SHISA6: variants seen among roughly 807,000 people sequenced by gnomAD.
SHISA6 encodes shisa family member 6.
A neutral mutation model predicts 47.9 loss-of-function variants in SHISA6; 22 were observed. That is an observed-to-expected ratio of 0.46 (90% CI 0.33 to 0.66). SHISA6 has a LOEUF of 0.66. Among genes scored for constraint, SHISA6 ranks in the 30% least tolerant of loss-of-function variants. The pLI is 0.02. For synonymous variants in SHISA6, 388 were observed against 337.8 expected, an observed-to-expected ratio of 1.15 and a Z score of -1.63; for missense variants, 680 against 764.6, an observed-to-expected ratio of 0.89 and a Z score of 1.30.
At chr17:11,491,775 T>TC (rs1916490712) in intron 3 of SHISA6, among the ~76,000 whole-genome samples, 1 of 142,752 alleles carries the variant, frequency 7.0e-6, no homozygotes, top group Admixed American at 6.9e-5. Flanking sequence ...GAAGTGTTTT[T>TC]TTTTTTTTTT....
At chr17:11,478,319 A>C in intron 3 of SHISA6, among the ~76,000 whole-genome samples, 1 of 99,936 alleles carries the variant, frequency 1.0e-5, no homozygotes, top group East Asian at 3.2e-4. Context: ...TCTGGATATT[A>C]GCCCTTTGTC....
At chr17:11,487,277 T>C (rs9902361) in intron 3 of SHISA6, among the ~76,000 whole-genome samples, 101 of 152,292 alleles carry the variant, frequency 6.6e-4, no homozygotes, top group African/African-American at 2.3e-3. Flanking sequence ...GTTGCAAGAT[T>C]CTCTCCTCCT....
intron 3 of SHISA6, among the ~76,000 whole-genome samples, chr17:11,503,332 G>A (rs114244505): frequency 9.4e-4 from 142 of 150,544 alleles, no homozygotes; most frequent in African/African-American, 3.3e-3. Flanking sequence ...TAACTTAAAC[G>A]AAGCAAAAAC....
At position 11,245,311 on chromosome 17, in the gene SHISA6, G is replaced by A. The variant is rs1375671810; in HGVS notation, c.638+3251G>A. ...CCAACCGGAAGCCCAATTCCTACCA[G>A]GATCTCCACTTCACTTTTCCCTTCT... is the stretch of plus-strand genomic sequence containing the variant. On this transcript the variant is annotated intron_variant, in intron 1 of 5. Transcript: ENST00000441885. Among the ~76,000 whole-genome samples the A allele has an allele frequency of 2.0e-5, 3 of 152,260 alleles. No individual in the cohort carries two copies. The East Asian group carries it at 5.8e-4, about 29-fold the overall frequency.
At chr17:11,365,692 CA>C (rs1295299587) in intron 2 of SHISA6, among the ~76,000 whole-genome samples, 1 of 152,222 alleles carries the variant, frequency 6.6e-6, no homozygotes, top group Admixed American at 6.5e-5. Context: ...CAACTATCAA[CA>C]GATATATCCT....
chr17:11,441,951 G>A (rs1469283251), intron 3 of SHISA6, among the ~76,000 whole-genome samples: 1 of 152,182 alleles, frequency 6.6e-6, no homozygotes, highest in Non-Finnish European at 1.5e-5. Context: ...TTCCTAACAA[G>A]CACAGTGTCC....
At chr17:11,273,745 G>A (rs1279787903) in intron 2 of SHISA6, among the ~76,000 whole-genome samples, 2 of 152,198 alleles carry the variant, frequency 1.3e-5, no homozygotes, top group Non-Finnish European at 2.9e-5. Context: ...GCAGGCGCAG[G>A]GCTTGTCGAT....
chr17:11,265,593 A>G (rs557966969), intron 2 of SHISA6, among the ~76,000 whole-genome samples: 1 of 152,236 alleles, frequency 6.6e-6, no homozygotes, highest in East Asian at 1.9e-4. Context: ...ACCACCTTTG[A>G]GTAGTGTATT....
chr17:11,368,288 G>C (rs1295136507), intron 2 of SHISA6, among the ~76,000 whole-genome samples: 1 of 112,556 alleles, frequency 8.9e-6, no homozygotes, highest in East Asian at 2.2e-4. Flanking sequence ...CTTCCTTTTG[G>C]AGGTGAGATG....
At chr17:11,259,407 G>A (rs12150404) in intron 1 of SHISA6, among the ~76,000 whole-genome samples, 2 of 152,098 alleles carry the variant, frequency 1.3e-5, no homozygotes, top group African/African-American at 4.8e-5. Context: ...GTAAGAGCCA[G>A]TGTCTGGGAC....
chr17:11,462,312 A>G (rs1024693080), intron 3 of SHISA6, among the ~76,000 whole-genome samples: 1 of 152,160 alleles, frequency 6.6e-6, no homozygotes, highest in Non-Finnish European at 1.5e-5. Context: ...ATCAGCAAGC[A>G]TTTCTCCCCA....
At chr17:11,279,539 C>T (rs1214991105) in intron 2 of SHISA6, among the ~76,000 whole-genome samples, 2 of 152,076 alleles carry the variant, frequency 1.3e-5, no homozygotes, top group African/African-American at 4.8e-5. Context: ...CATGTGAGCC[C>T]TCTTCCTAAG....
chr17:11,483,349 T>C (rs745857978), intron 3 of SHISA6, among the ~76,000 whole-genome samples: 6 of 149,198 alleles, frequency 4.0e-5, no homozygotes, highest in Non-Finnish European at 7.4e-5. Flanking sequence ...ATAATAATAA[T>C]ACAGACATAA....
At chr17:11,244,190 G>T (rs1907486568) in intron 1 of SHISA6, among the ~76,000 whole-genome samples, 1 of 152,144 alleles carries the variant, frequency 6.6e-6, no homozygotes, top group Non-Finnish European at 1.5e-5. Context: ...AGAGCTTTAT[G>T]CAAATATGGG....
chr17:11,517,758 C>T (rs1276235034), intron 3 of SHISA6, among the ~76,000 whole-genome samples: 1 of 152,116 alleles, frequency 6.6e-6, no homozygotes, highest in Non-Finnish European at 1.5e-5. Flanking sequence ...CCCACCTCAG[C>T]CTCCCAAAGT....
chr17:11,288,430 C>T (rs1442448748), intron 2 of SHISA6: 1 of 151,626 alleles, frequency 6.6e-6, no homozygotes, highest in African/African-American at 2.4e-5. Context: ...CTATTTTCTT[C>T]TCTCTTTCTC....
chr17:11,280,819 G>C (rs1263851158), intron 2 of SHISA6, among the ~76,000 whole-genome samples: 1 of 152,238 alleles, frequency 6.6e-6, no homozygotes, highest in Non-Finnish European at 1.5e-5. Flanking sequence ...AATGGCATGA[G>C]AGCAAGTTAG....
intron 3 of SHISA6, among the ~76,000 whole-genome samples, chr17:11,481,366 G>GTATATA (rs768989352): frequency 2.7e-5 from 3 of 110,278 alleles, no homozygotes; most frequent in African/African-American, 1.0e-4. Flanking sequence ...GTGTGTGTGT[G>GTATATA]TATATATATA....
intron 2 of SHISA6, among the ~76,000 whole-genome samples, chr17:11,357,977 T>C (rs1912129926): frequency 6.6e-6 from 1 of 152,234 alleles, no homozygotes; most frequent in African/African-American, 2.4e-5. Flanking sequence ...TCTCTTCTTA[T>C]TTGGAAGAGC....
Sources: gnomAD v4.1 joint callset for allele counts (sites outside exome capture counted in the v4.1 genomes callset) on GRCh38, gnomAD v4.1.1 for gene constraint, MANE v1.5 for transcripts, NCBI Gene and HGNC (gene_info 2026-07-23, HGNC 2026-07-21) for gene names.